The following ARHGEF3 variants were observed in gnomAD, a reference collection of about 807,000 sequenced individuals.
ARHGEF3 encodes the protein Rho guanine nucleotide exchange factor 3.
ARHGEF3 carries 28 observed loss-of-function variants against 63.2 expected under a neutral mutation model. That is an observed-to-expected ratio of 0.44 (90% CI 0.33 to 0.61). The LOEUF is 0.61. ARHGEF3 is among the 20% of genes least tolerant of loss of function. ARHGEF3 has a pLI of 0.03. For synonymous variants in ARHGEF3, 266 were observed against 254.2 expected, an observed-to-expected ratio of 1.05 and a Z score of -0.44; for missense variants, 533 against 659.3, an observed-to-expected ratio of 0.81 and a Z score of 2.10.
intron 1 of ARHGEF3, among the ~76,000 whole-genome samples, chr3:56,777,451 T>C (rs2036338737): frequency 6.6e-6 from 1 of 152,214 alleles, no homozygotes; most frequent in African/African-American, 2.4e-5. Context: ...ATTTTATTCT[T>C]AGTATGAGTT....
intron 4 of ARHGEF3, among the ~76,000 whole-genome samples, chr3:56,811,202 G>A (rs1053682459): frequency 2.6e-5 from 4 of 152,206 alleles, no homozygotes; most frequent in African/African-American, 9.6e-5. Flanking sequence ...TCTGGCTCTT[G>A]GGACTTGATT....
At chr3:57,012,148 A>C (rs1488391056) in intron 2 of ARHGEF3, among the ~76,000 whole-genome samples, 2 of 152,236 alleles carry the variant, frequency 1.3e-5, no homozygotes, top group Non-Finnish European at 2.9e-5. Flanking sequence ...CCCAAGAGCC[A>C]CTACCATTAT....
In ARHGEF3 at chr3:56,729,325, A is replaced by C; in HGVS notation, c.1526T>G (p.Met509Arg). The C allele has an allele frequency of 6.2e-7, 1 of 1,614,098 alleles. No individual in the cohort carries two copies. The highest frequency in any genetic ancestry group is 8.5e-7 in the Non-Finnish European group (1 of 1,180,022). The change falls in exon 10 of 10, where the codon ATG becomes AGG. Residue 509 changes from methionine (M) to arginine (R), a missense_variant. Physicochemically the swap from Met to Arg is moderately conservative, Grantham distance 91. Around this residue, in one of 4 missense-constraint regions of ARHGEF3, gnomAD observed 115 missense variants for 103.4 expected, o/e 1.11. Coordinates refer to ENST00000296315, the MANE Select transcript of ARHGEF3 (RefSeq NM_019555.3). Reference sequence around the variant, plus strand: ...TCCACAGGAAGAGTCTGTCTGTTCCATGCGCTCACAGTCGAGGCTGACCTC... The same window carrying C: ...TCCACAGGAAGAGTCTGTCTGTTCCCTGCGCTCACAGTCGAGGCTGACCTC... The part of the protein sequence containing the change: ...TSEVSLDCER[M>R]EQTDSSCGNS...
intron 4 of ARHGEF3, among the ~76,000 whole-genome samples, chr3:56,854,400 A>G (rs533032874): frequency 2.0e-4 from 30 of 152,156 alleles, no homozygotes; most frequent in Non-Finnish European, 3.7e-4. Flanking sequence ...GTTAAGGAGG[A>G]GTATTTATCC....
chr3:56,826,627 G>A (rs2038722264), intron 4 of ARHGEF3, among the ~76,000 whole-genome samples: 3 of 152,184 alleles, frequency 2.0e-5, no homozygotes, highest in Admixed American at 2.0e-4. Flanking sequence ...TGATGGCATG[G>A]GGAGTCAGGG....
intron 2 of ARHGEF3, among the ~76,000 whole-genome samples, chr3:57,018,140 G>A (rs149873588): frequency 2.6e-5 from 4 of 152,038 alleles, no homozygotes; most frequent in African/African-American, 7.2e-5. Context: ...TTAGCTGGGC[G>A]TGGTGGCATA....
At chr3:56,760,447 A>T (rs2107791901) in intron 2 of ARHGEF3, among the ~76,000 whole-genome samples, 1 of 152,328 alleles carries the variant, frequency 6.6e-6, no homozygotes, top group Admixed American at 6.5e-5. Flanking sequence ...AAGCTGTACT[A>T]GGTGAGCTCT....
At chr3:57,047,723 A>G (rs1704514922) in intron 1 of ARHGEF3, among the ~76,000 whole-genome samples, 1 of 152,202 alleles carries the variant, frequency 6.6e-6, no homozygotes, top group Non-Finnish European at 1.5e-5. Context: ...TTTCAGAGTC[A>G]GCGTTGTATT....
intron 4 of ARHGEF3, among the ~76,000 whole-genome samples, chr3:56,879,622 G>A (rs541978139): frequency 6.7e-6 from 1 of 150,262 alleles, no homozygotes; most frequent in East Asian, 2.0e-4. Flanking sequence ...CGCATCCTCT[G>A]GTATGAGTCA....
chr3:56,739,089 C>T (rs2033835772), intron 7 of ARHGEF3, among the ~76,000 whole-genome samples: 1 of 151,894 alleles, frequency 6.6e-6, no homozygotes, highest in African/African-American at 2.4e-5. Context: ...AGCAAGACTC[C>T]GTCTCAAAAA....
At chr3:56,987,164 ATCGTCCCACTATAC>A (rs1431176234) in intron 2 of ARHGEF3, among the ~76,000 whole-genome samples, 3 of 152,208 alleles carry the variant, frequency 2.0e-5, no homozygotes, top group Non-Finnish European at 4.4e-5. Flanking sequence ...GTGAGCTGTG[ATCGTCCCACTATAC>A]TCCAGCCTGG....
intron 4 of ARHGEF3, among the ~76,000 whole-genome samples, chr3:56,864,312 C>CA (rs1249767583): frequency 1.3e-5 from 2 of 152,248 alleles, no homozygotes; most frequent in Non-Finnish European, 2.9e-5. Context: ...TTCAAAGCAG[C>CA]ATGTTCCATC....
At position 56,888,677 on chromosome 3, in the gene ARHGEF3, T is replaced by G. The variant is rs540821831; in HGVS notation, c.130-6323A>C. ...CAGCACATTGGGAGGCCGAGGCAGT[T>G]GGATCACCTGCGGTCAGGAGTTCCA... On this transcript the variant is annotated intron_variant, in intron 3 of 12. Coordinates refer to the ARHGEF3 transcript ENST00000338458. Among the ~76,000 whole-genome samples the G allele has an allele frequency of 2.6e-3, 394 of 152,216 alleles. 1 individual carries two copies. Among genetic ancestry groups the G allele is most frequent in the Non-Finnish European group, 4.0e-3 (275 of 68,010 alleles).
chr3:56,820,790 T>G (rs749516201), intron 4 of ARHGEF3, among the ~76,000 whole-genome samples: 13 of 152,208 alleles, frequency 8.5e-5, no homozygotes, highest in Admixed American at 8.5e-4. Context: ...TATGAGGACA[T>G]GCAACTTTGG....
chr3:56,798,284 A>G (rs898051820), intron 1 of ARHGEF3, among the ~76,000 whole-genome samples: 2 of 152,258 alleles, frequency 1.3e-5, no homozygotes, highest in Admixed American at 6.5e-5. Context: ...CTGAGAGTCA[A>G]AAGCAATGGC....
intron 2 of ARHGEF3, among the ~76,000 whole-genome samples, chr3:56,971,533 A>G (rs1700911331): frequency 6.6e-6 from 1 of 151,698 alleles, no homozygotes; most frequent in Non-Finnish European, 1.5e-5. Flanking sequence ...CCCCAACATG[A>G]CCCTTTCCCA....
chr3:56,750,882 C>A (rs1207661507), intron 6 of ARHGEF3, among the ~76,000 whole-genome samples, 174 bp downstream of exon 6: 1 of 151,266 alleles, frequency 6.6e-6, no homozygotes, highest in African/African-American at 2.4e-5. Context: ...TATTTTCATG[C>A]TTTAAAGATA....
chr3:56,791,918 A>T (rs150221199), intron 1 of ARHGEF3, among the ~76,000 whole-genome samples: 30 of 152,098 alleles, frequency 2.0e-4, no homozygotes, highest in Non-Finnish European at 3.2e-4. Flanking sequence ...AGCTAATGCA[A>T]GGCTCAAAGG....
chr3:56,939,074 A>G (rs1197884994), intron 3 of ARHGEF3, among the ~76,000 whole-genome samples: 1 of 152,214 alleles, frequency 6.6e-6, no homozygotes, highest in Non-Finnish European at 1.5e-5. Flanking sequence ...TATTCGAGCC[A>G]CAATCCAATC....
Sources: allele counts gnomAD v4.1 joint callset (sites outside exome capture counted in the v4.1 genomes callset), GRCh38; gene constraint gnomAD v4.1.1; regional missense constraint gnomAD v4.1.1; transcripts MANE v1.5; gene names NCBI Gene and HGNC (gene_info 2026-07-23, HGNC 2026-07-21).